Variants in MYL3 observed in about 807,000 individuals in gnomAD.
MYL3 encodes CMLC1.
In MYL3, 11 loss-of-function variants were observed where a neutral mutation model predicts 21.3. The observed-to-expected ratio is 0.52, with a 90% CI of 0.32 to 0.85. The LOEUF is 0.85. Ranked by LOEUF, MYL3 falls within the 40% of genes least tolerant of loss-of-function variation. The pLI is 0.03. For synonymous variants in MYL3, 88 were observed against 91.6 expected (o/e 0.96, Z 0.22); for missense variants, 206 against 253.3 (o/e 0.81, Z 1.27).
rs1575501511 is a variant in MYL3, at chr3:46,874,054, G to A, written c.-217-7454C>T. ...CAAAGAGGCTCACCTCAGAGGGCAC[G>A]GGTGTCGGAAGGCCTGGAGACTTGC... On this transcript the variant is annotated intron_variant, in intron 1 of 3. Coordinates refer to the MYL3 transcript ENST00000431168. The surrounding 1 kb of genome is among the most constrained non-coding windows in gnomAD (Gnocchi z 4.1). Among the ~76,000 whole-genome samples the A allele has an allele frequency of 1.3e-5, 2 of 152,364 alleles. No homozygotes were observed. Among genetic ancestry groups the A allele is most frequent in the East Asian group, 1.9e-4 (1 of 5,192 alleles).
upstream of MYL3, chr3:46,863,494 C>T (rs1340527394): frequency 8.0e-7 from 1 of 1,244,760 alleles, no homozygotes; most frequent in Non-Finnish European, 1.1e-6. Context: ...ACCTCATGAC[C>T]CCAGCCCCAC....
intron 1 of MYL3, among the ~76,000 whole-genome samples, chr3:46,872,444 C>CG (rs1319513188): frequency 6.6e-6 from 1 of 151,452 alleles, no homozygotes; most frequent in Non-Finnish European, 1.5e-5. Flanking sequence ...GCCCCAAGAC[C>CG]CCCCCCCTCA....
chr3:46,858,355 C>T lies in MYL3; in HGVS notation c.559+29G>A, dbSNP rs747671640. On this transcript the variant is annotated intron_variant, in intron 5 of 6. Transcript: ENST00000292327. Reference sequence around the variant, plus strand: ...AGCCTGGGTCCCAGCACTCCCCTCCCAGAAGACCCCTGCCCCTGCTGAGCC... The same window carrying T: ...AGCCTGGGTCCCAGCACTCCCCTCCTAGAAGACCCCTGCCCCTGCTGAGCC... The T allele has an allele frequency of 4.3e-6, 7 of 1,614,036 alleles. No homozygotes were observed. In the African/African-American group the frequency reaches 9.3e-5, roughly 22 times the overall value.
At chr3:46,881,650 C>T (rs1022141130) in intron 1 of MYL3, among the ~76,000 whole-genome samples, 1 of 148,580 alleles carries the variant, frequency 6.7e-6, no homozygotes, top group Non-Finnish European at 1.5e-5. Context: ...GGGCGGGGGT[C>T]GGGGCTGGCC....
chr3:46,876,169 T>A (rs542272482), intron 1 of MYL3, among the ~76,000 whole-genome samples: 60 of 152,358 alleles, frequency 3.9e-4, no homozygotes, highest in Middle Eastern at 3.4e-3. Flanking sequence ...ATCAGGAAAC[T>A]GAGGCCATGA....
chr3:46,865,152 G>A (rs74806925), upstream of MYL3, among the ~76,000 whole-genome samples: 2,707 of 152,240 alleles, frequency 0.018, 43 homozygotes, highest in Non-Finnish European at 0.029. The surrounding 1 kb of genome is among the most constrained non-coding windows in gnomAD (Gnocchi z 4.3). Context: ...CTGTCACTCC[G>A]CCTCACAGGG....
intron 1 of MYL3, among the ~76,000 whole-genome samples, chr3:46,862,324 G>A (rs893548967): frequency 6.6e-6 from 1 of 152,222 alleles, no homozygotes; most frequent in Non-Finnish European, 1.5e-5. Context: ...TCACAGCTGA[G>A]GAAACCACGC....
intron 1 of MYL3, among the ~76,000 whole-genome samples, chr3:46,875,936 G>A (rs2030185783): frequency 6.6e-6 from 1 of 152,212 alleles, no homozygotes; most frequent in Non-Finnish European, 1.5e-5. Context: ...CAGAACCCAG[G>A]ACCAAAATAC....
chr3:46,869,898 C>T (rs1046862996), intron 1 of MYL3, among the ~76,000 whole-genome samples: 17 of 152,168 alleles, frequency 1.1e-4, no homozygotes, highest in African/African-American at 3.9e-4. Context: ...GACCGACTGT[C>T]TCAGGCAAAC....
chr3:46,863,613 G>A, upstream of MYL3: 1 of 547,004 alleles, frequency 1.8e-6, no homozygotes, highest in Non-Finnish European at 3.3e-6. Flanking sequence ...GGTAGTGGAG[G>A]AGGGATCTCC....
rs759363076 is a variant in MYL3, at chr3:46,860,725, G to A, written c.258C>T (p.Asn86=). 1 of 1,614,168 alleles carries A rather than the reference G, an allele frequency of 6.2e-7. No individual in the cohort carries two copies. The highest frequency in any genetic ancestry group is 1.3e-5 in the African/African-American group (1 of 75,036). Residue 86 remains asparagine, a synonymous_variant, in exon 3 of 7, where the codon AAC becomes AAT. Coordinates refer to ENST00000292327, the MANE Select transcript of MYL3 (RefSeq NM_000258.3). The surrounding 1 kb of genome is among the most constrained non-coding windows in gnomAD (Gnocchi z 4.6). ...CACGGAGCACTTCTGCCTGTGTGGG[G>A]TTCTGGCCCAGCGCCCGCAGGACAT... ...CGDVLRALGQ[N]PTQAEVLRVL...
At chr3:46,878,460 G>A (rs1400271226) in intron 1 of MYL3, among the ~76,000 whole-genome samples, 3 of 152,232 alleles carry the variant, frequency 2.0e-5, no homozygotes, top group Non-Finnish European at 4.4e-5. Flanking sequence ...GCCTGAGGCT[G>A]GGGCTCATGA....
In MYL3 at chr3:46,858,381, C is replaced by T. The variant is rs1376134224; in HGVS notation, c.559+3G>A. The T allele has an allele frequency of 6.2e-7, 1 of 1,614,136 alleles. No homozygotes were observed. Among genetic ancestry groups the T allele is most frequent in the Non-Finnish European group, 8.5e-7 (1 of 1,180,026 alleles). ...AGAAGACCCCTGCCCCTGCTGAGCC[C>T]ACCTTCATAGTTGATGCAGCCATTG... On this transcript the variant is annotated splice_donor_region_variant and intron_variant, in intron 5 of 6. Coordinates refer to ENST00000292327, the MANE Select transcript of MYL3 (RefSeq NM_000258.3).
rs537520004 is a variant in MYL3, at chr3:46,869,070, A to G, written c.-217-2470T>C. On this transcript the variant is annotated intron_variant, in intron 1 of 3. Transcript: ENST00000431168. Reference sequence around the variant, plus strand: ...GGAGCAAGATGCAGCCCTGAGCCCCAGCTCCCCAGCTCTGCCTGCTGGTCC... The same window carrying G: ...GGAGCAAGATGCAGCCCTGAGCCCCGGCTCCCCAGCTCTGCCTGCTGGTCC... Among the ~76,000 whole-genome samples, 34 of 152,134 alleles carry G rather than the reference A, an allele frequency of 2.2e-4. 1 individual carries two copies. In the South Asian group the frequency reaches 2.7e-3, roughly 12 times the overall value.
Position 46,881,130 on chromosome 3 carries a change from A to C in MYL3, c.-218+944T>G, listed in dbSNP as rs555742553. On this transcript the variant is annotated intron_variant, in intron 1 of 3. Transcript: ENST00000431168. The stretch of plus-strand genomic sequence containing the variant: ...AGGACACACAACTGGTAAGCGGGCA[A>C]GCACAGGCTGTTGCTTAGCCCAGAC... 8.5e-5 allele frequency: 13 copies of C among 152,398 alleles called. 2 individuals carry two copies. Among genetic ancestry groups the C allele is most frequent in the Admixed American group, 8.5e-4 (13 of 15,304 alleles). The allele number at this position is 152,398 out of a possible 1,614,324, so 9.4% of individuals were successfully genotyped here.
chr3:46,863,175 A>G, intron 1 of MYL3, 87 bp downstream of exon 1: 1 of 1,592,374 alleles, frequency 6.3e-7, no homozygotes, highest in Non-Finnish European at 8.6e-7. Context: ...GCTCACCTCC[A>G]GAGCCTGACC....
intron 1 of MYL3, among the ~76,000 whole-genome samples, chr3:46,870,480 C>A (rs1462514415): frequency 9.3e-6 from 1 of 107,964 alleles, no homozygotes; most frequent in Non-Finnish European, 2.1e-5. Context: ...GCCATGGTGG[C>A]CCCCTACACC....
At chr3:46,876,123 C>G (rs1680637977) in intron 1 of MYL3, among the ~76,000 whole-genome samples, 1 of 152,236 alleles carries the variant, frequency 6.6e-6, no homozygotes, top group Non-Finnish European at 1.5e-5. Context: ...TTACAGATCC[C>G]CTTTGAGCCT....
chr3:46,862,296 G>C (rs1702000310), intron 1 of MYL3, among the ~76,000 whole-genome samples: 1 of 152,222 alleles, frequency 6.6e-6, no homozygotes, highest in African/African-American at 2.4e-5. Flanking sequence ...CCTGCAAGAG[G>C]GGACTTGCTG....
Sources: allele counts gnomAD v4.1 joint callset (sites outside exome capture counted in the v4.1 genomes callset), GRCh38; gene constraint gnomAD v4.1.1; non-coding constraint Gnocchi (gnomAD v3.1); transcripts MANE v1.5; gene names NCBI Gene and HGNC (gene_info 2026-07-23, HGNC 2026-07-21).